The following SIN3B variants were observed in gnomAD, a reference collection of about 807,000 sequenced individuals.
SIN3B encodes the protein SIN3 transcription regulator family member B.
SIN3B carries 19 observed loss-of-function variants against 120.2 expected under a neutral mutation model. The ratio of observed to expected loss-of-function variants is 0.16; its 90% CI spans 0.11 to 0.23. The LOEUF (loss-of-function observed/expected upper bound fraction) is 0.23, where lower values mean the gene tolerates loss of function less well. Ranked by LOEUF, SIN3B falls within the 10% of genes least tolerant of loss-of-function variation. SIN3B has a pLI of 1.00. For synonymous variants in SIN3B, 654 were observed against 653.2 expected, an observed-to-expected ratio of 1.00 and a Z score of -0.02; for missense variants, 1,073 against 1,573.0, an observed-to-expected ratio of 0.68 and a Z score of 5.38.
Position 16,878,812 on chromosome 19 carries a change from C to A in SIN3B, c.*85C>A. The A allele has an allele frequency of 8.2e-7, 1 of 1,214,238 alleles. No individual in the cohort carries two copies. The highest frequency in any genetic ancestry group is 1.1e-6 in the Non-Finnish European group (1 of 875,592). The allele number at this position is 1,214,238 out of a possible 1,614,324, so 75.2% of individuals were successfully genotyped here. A position where few individuals can be genotyped will look rare whatever the true frequency, so the allele number is the denominator to read the frequency against. On this transcript the variant is annotated 3_prime_UTR_variant, in exon 19 of 19. Coordinates refer to ENST00000248054, the MANE Select transcript of SIN3B (RefSeq NM_001297595.2). The stretch of plus-strand genomic sequence containing the variant: ...GTCGTGTCGGGGCCGTTTTCTTGAA[C>A]GACGTGAGAGGCATCTCCCAGCCCC...
chr19:16,837,977 G>A (rs1227413246), intron 3 of SIN3B, among the ~76,000 whole-genome samples: 1 of 152,002 alleles, frequency 6.6e-6, no homozygotes, highest in Non-Finnish European at 1.5e-5. Flanking sequence ...TGTCGGCCAC[G>A]CAGGATGGTT....
At position 16,831,554 on chromosome 19, in the gene SIN3B, C is replaced by T. The variant is rs750620312; in HGVS notation, c.288C>T (p.Leu96=). 8 of 1,614,080 alleles carry T rather than the reference C, an allele frequency of 5.0e-6. No individual in the cohort carries two copies. The South Asian group carries it at 7.7e-5, about 16-fold the overall frequency. Reference sequence around the variant, plus strand: ...AGCTCTTCCACGAGCACCCTGACCTCATTGTTGGATTCAACGCTTTTCTTC... The same window carrying T: ...AGCTCTTCCACGAGCACCCTGACCTTATTGTTGGATTCAACGCTTTTCTTC... The part of the protein sequence containing the change: ...VSQLFHEHPD[L]IVGFNAFLPL... The change falls in exon 3 of 19, where the codon CTC becomes CTT. Residue 96 remains leucine (L), a synonymous_variant. Transcript: ENST00000248054.
chr19:16,872,019 G>C (rs2547096), intron 14 of SIN3B, among the ~76,000 whole-genome samples: 97,603 of 151,812 alleles, frequency 0.64, 32,207 homozygotes, highest in African/African-American at 0.78. Flanking sequence ...AAAAACCCAG[G>C]CCCCACTGAA....
At chr19:16,868,752 C>A (rs766127948) in intron 12 of SIN3B, among the ~76,000 whole-genome samples, 1 of 152,112 alleles carries the variant, frequency 6.6e-6, no homozygotes, top group Non-Finnish European at 1.5e-5. Flanking sequence ...TCCTGTGGGC[C>A]AAGTCACCCT....
chr19:16,876,795 C>T lies in SIN3B; in HGVS notation c.2859+217C>T. The T allele has an allele frequency of 2.0e-6, 1 of 510,398 alleles. No homozygotes were observed. 31.6% of individuals were successfully genotyped at this position (510,398 alleles called of 1,614,324 possible). ...CCCCCTCTCCAAAGAGCAGACCACT[C>T]CTCCTGAGCAAGCGGTTGTGTCCCA... On this transcript the variant is annotated intron_variant, in intron 16 of 18. Transcript: ENST00000248054. This position sits in a 1 kb window ranked among gnomAD's most constrained non-coding sequence, Gnocchi z 7.1.
intron 14 of SIN3B, among the ~76,000 whole-genome samples, chr19:16,874,391 G>A (rs2051554712): frequency 6.8e-6 from 1 of 148,144 alleles, no homozygotes; most frequent in East Asian, 1.9e-4. Context: ...GTCTGGTTTG[G>A]TCTGGTCTGG....
intron 2 of SIN3B, among the ~76,000 whole-genome samples, chr19:16,830,597 A>G (rs912431810): frequency 6.6e-5 from 10 of 152,160 alleles, no homozygotes; most frequent in African/African-American, 2.4e-4. Flanking sequence ...TGGAAGTCAC[A>G]TGCTTACCAT....
chr19:16,866,754 GTCTA>G (rs1971780040), intron 12 of SIN3B, among the ~76,000 whole-genome samples, 198 bp downstream of exon 12: 1 of 152,144 alleles, frequency 6.6e-6, no homozygotes, highest in Admixed American at 6.5e-5. Context: ...CTCTGCCATT[GTCTA>G]TCTGTTTGTT....
chr19:16,839,507 G>A (rs186281440), intron 3 of SIN3B, among the ~76,000 whole-genome samples: 65 of 152,210 alleles, frequency 4.3e-4, no homozygotes, highest in African/African-American at 1.5e-3. Flanking sequence ...GGGTGCATGC[G>A]GAGCTTGGAA....
At chr19:16,867,601 G>A (rs775862213) in intron 12 of SIN3B, among the ~76,000 whole-genome samples, 25 of 152,226 alleles carry the variant, frequency 1.6e-4, no homozygotes, top group Non-Finnish European at 3.1e-4. Flanking sequence ...CACGGGCTGC[G>A]TTATCAGCCT....
chr19:16,877,938 C>T lies in SIN3B; in HGVS notation c.2955-245C>T, dbSNP rs546733296. Among the ~76,000 whole-genome samples, 9 of 152,230 alleles carry T rather than the reference C, an allele frequency of 5.9e-5. No individual in the cohort carries two copies. In the South Asian group the frequency reaches 6.2e-4, roughly 11 times the overall value. On this transcript the variant is annotated intron_variant, in intron 17 of 18. Transcript: ENST00000248054. ...AGAGCTGGTGGGGCCAGGCCAGAGGCGGGTGGCTGTGGCAGGACCCTGGAC... is the reference window on the plus strand; with the variant it reads ...AGAGCTGGTGGGGCCAGGCCAGAGGTGGGTGGCTGTGGCAGGACCCTGGAC...
chr19:16,863,837 G>C (rs769592244), intron 10 of SIN3B, 41 bp downstream of exon 10: 5 of 1,426,808 alleles, frequency 3.5e-6, no homozygotes, highest in Non-Finnish European at 4.9e-6. Context: ...GCATGTGCCT[G>C]TTCCCCTTCT....
At chr19:16,866,654 T>C in intron 12 of SIN3B, 98 bp downstream of exon 12, 3 of 1,211,470 alleles carry the variant, frequency 2.5e-6, no homozygotes. Flanking sequence ...TTAGGCAGGG[T>C]AGTGGCATTG....
intron 12 of SIN3B, among the ~76,000 whole-genome samples, chr19:16,867,034 C>T (rs756003799): frequency 4.6e-5 from 7 of 152,196 alleles, no homozygotes; most frequent in African/African-American, 7.2e-5. Context: ...GGATTACATG[C>T]GTAAGCCACC....
rs752386239 is a variant in SIN3B, at chr19:16,869,812, C to T, written c.2159C>T (p.Pro720Leu). ...GAGAAGGGGGCCTTCGGGGATGCCCCGGCCACTGAGCAGCCACCCCTGCCG... is the reference window on the plus strand; with the variant it reads ...GAGAAGGGGGCCTTCGGGGATGCCCTGGCCACTGAGCAGCCACCCCTGCCG... ...PEEKGAFGDA[P>L]ATEQPPLPPP... is the part of the protein sequence containing the mutation. The change falls in exon 13 of 19, where the codon CCG becomes CTG. Residue 720 changes from proline (P) to leucine (L), a missense_variant. Physicochemically the swap from Pro to Leu is moderately conservative, Grantham distance 98 (BLOSUM62 -3). Transcript: ENST00000248054. The T allele has an allele frequency of 1.4e-5, 23 of 1,613,642 alleles. No homozygotes were observed. Among genetic ancestry groups the T allele is most frequent in the South Asian group, 6.6e-5 (6 of 91,080 alleles).
At chr19:16,837,526 C>T (rs1031709303) in intron 3 of SIN3B, among the ~76,000 whole-genome samples, 4 of 148,092 alleles carry the variant, frequency 2.7e-5, no homozygotes, top group Admixed American at 2.0e-4. Context: ...ACAGCAATGG[C>T]GACAGAGTGG....
chr19:16,856,700 T>C (rs1041906470), intron 8 of SIN3B, among the ~76,000 whole-genome samples: 1 of 152,022 alleles, frequency 6.6e-6, no homozygotes, highest in Non-Finnish European at 1.5e-5. Context: ...TCCTCCTGAG[T>C]AGCTGGGATT....
chr19:16,833,356 A>G (rs1260403143), intron 3 of SIN3B, among the ~76,000 whole-genome samples: 1 of 152,050 alleles, frequency 6.6e-6, no homozygotes, highest in Admixed American at 6.5e-5. Context: ...CTTCTCGGCC[A>G]GGCGCAGTGG....
At chr19:16,873,099 C>T (rs1053489034) in intron 14 of SIN3B, among the ~76,000 whole-genome samples, 3 of 151,892 alleles carry the variant, frequency 2.0e-5, no homozygotes, top group African/African-American at 4.8e-5. Context: ...GGCTCAGGGG[C>T]GTCTCTCCAT....
Sources: gnomAD v4.1 joint callset for allele counts (sites outside exome capture counted in the v4.1 genomes callset) on GRCh38, gnomAD v4.1.1 for gene constraint, Gnocchi (gnomAD v3.1) non-coding constraint, MANE v1.5 for transcripts, NCBI Gene and HGNC (gene_info 2026-07-23, HGNC 2026-07-21) for gene names.